The following TTC27 variants were observed in gnomAD, a reference collection of about 807,000 sequenced individuals.
The protein encoded by TTC27 is tetratricopeptide repeat protein 27.
Under a neutral mutation model 115.9 loss-of-function variants are expected in TTC27, and 79 were observed. That is an observed-to-expected ratio of 0.68 (90% CI 0.57 to 0.82). TTC27 has a LOEUF of 0.82. Ranked by LOEUF, TTC27 falls within the 40% of genes least tolerant of loss-of-function variation. TTC27 has a pLI of 0.00. For missense variants in TTC27, 1,054 were observed against 993.1 expected, an observed-to-expected ratio of 1.06 and a Z score of -0.82; for synonymous variants, 401 against 356.0, an observed-to-expected ratio of 1.13 and a Z score of -1.42.
intron 3 of TTC27, among the ~76,000 whole-genome samples, chr2:32,634,518 G>A (rs1400928911): frequency 4.0e-5 from 6 of 151,144 alleles, no homozygotes; most frequent in Non-Finnish European, 5.9e-5. Flanking sequence ...GAAACTCCTG[G>A]GCTCAAGTGG....
intron 10 of TTC27, among the ~76,000 whole-genome samples, chr2:32,730,211 C>G (rs1668246773): frequency 6.6e-6 from 1 of 152,188 alleles, no homozygotes; most frequent in Non-Finnish European, 1.5e-5. Flanking sequence ...AATTAATCAA[C>G]AAACCTTCTG....
At chr2:32,711,350 G>A (rs1193405306) in intron 10 of TTC27, among the ~76,000 whole-genome samples, 6 of 152,230 alleles carry the variant, frequency 3.9e-5, no homozygotes, top group Admixed American at 6.5e-5. Context: ...CTTCCCCAAC[G>A]CAGAAATCTT....
chr2:32,753,236 G>C (rs1432298520), intron 12 of TTC27, among the ~76,000 whole-genome samples: 1 of 152,040 alleles, frequency 6.6e-6, no homozygotes, highest in Non-Finnish European at 1.5e-5. Context: ...TCCAAGCGAG[G>C]ATTGCAAGAG....
chr2:32,646,407 G>T (rs769118829), intron 4 of TTC27, among the ~76,000 whole-genome samples: 1 of 151,998 alleles, frequency 6.6e-6, no homozygotes, highest in African/African-American at 2.4e-5. Context: ...GGCTTCAAGT[G>T]ATCTTCCTAC....
At chr2:32,762,269 A>G (rs1193240477) in intron 13 of TTC27, among the ~76,000 whole-genome samples, 5 of 149,166 alleles carry the variant, frequency 3.4e-5, no homozygotes, top group African/African-American at 1.2e-4. Context: ...CTAGAAACAC[A>G]GAGAGAAGTG....
intron 16 of TTC27, among the ~76,000 whole-genome samples, chr2:32,795,815 G>T (rs1262546163): frequency 3.3e-5 from 5 of 151,106 alleles, no homozygotes; most frequent in African/African-American, 4.9e-5. Flanking sequence ...CTGACCTTAG[G>T]TGATCCACCC....
At chr2:32,666,585 C>A (rs529656577) in intron 6 of TTC27, 50 bp from the exon 7 acceptor site, 11 of 1,592,820 alleles carry the variant, frequency 6.9e-6, no homozygotes, top group Non-Finnish European at 9.4e-6. Context: ...CATGACTGTA[C>A]AGTAGATCTC....
chr2:32,733,703 C>A, intron 10 of TTC27, 125 bp from the exon 11 acceptor site: 1 of 518,480 alleles, frequency 1.9e-6, no homozygotes, highest in Non-Finnish European at 3.2e-6. Flanking sequence ...CACATCCTAT[C>A]ACCTTATCAA....
chr2:32,808,465 C>T (rs2148044118), intron 16 of TTC27, among the ~76,000 whole-genome samples: 1 of 152,198 alleles, frequency 6.6e-6, no homozygotes, highest in East Asian at 1.9e-4. Context: ...CCTCTCTCTT[C>T]TGGTGGTATC....
At chr2:32,763,786 T>C (rs1396078505) in intron 13 of TTC27, among the ~76,000 whole-genome samples, 1 of 152,250 alleles carries the variant, frequency 6.6e-6, no homozygotes, top group Non-Finnish European at 1.5e-5. Context: ...TGTTCACTTA[T>C]ACCCACTTGT....
chr2:32,649,615 G>A (rs1665008017), intron 4 of TTC27, among the ~76,000 whole-genome samples: 1 of 151,594 alleles, frequency 6.6e-6, no homozygotes, highest in Non-Finnish European at 1.5e-5. Flanking sequence ...TGCATCCTCG[G>A]CTCACTGCAA....
At chr2:32,750,976 T>C (rs1362605783) in intron 12 of TTC27, among the ~76,000 whole-genome samples, 3 of 152,158 alleles carry the variant, frequency 2.0e-5, no homozygotes, top group African/African-American at 7.2e-5. Flanking sequence ...CAGATTAAAT[T>C]ATATCATAAA....
chr2:32,700,159 C>T (rs1667135126), intron 9 of TTC27, among the ~76,000 whole-genome samples: 1 of 152,140 alleles, frequency 6.6e-6, no homozygotes, highest in South Asian at 2.1e-4. Context: ...CTGGAGGGGC[C>T]AGATGTGCTT....
intron 9 of TTC27, among the ~76,000 whole-genome samples, chr2:32,691,806 TG>T (rs770870335): frequency 2.0e-5 from 3 of 151,954 alleles, no homozygotes; most frequent in Non-Finnish European, 2.9e-5. Context: ...AAAAGTTTAC[TG>T]GCTCAATGAG....
intron 12 of TTC27, among the ~76,000 whole-genome samples, chr2:32,742,902 A>T (rs999899132): frequency 5.3e-5 from 8 of 152,088 alleles, no homozygotes; most frequent in East Asian, 1.9e-4. Flanking sequence ...CACACTTTTT[A>T]AAAATTTTTT....
At chr2:32,729,281 C>G (rs1668213127) in intron 10 of TTC27, among the ~76,000 whole-genome samples, 1 of 152,100 alleles carries the variant, frequency 6.6e-6, no homozygotes, top group Non-Finnish European at 1.5e-5. Flanking sequence ...CAGAATTGTC[C>G]TTTTTTACTA....
rs1430565976 is a variant in TTC27 at position 32,628,136 on chromosome 2, A to G, written c.-157A>G. 1 of 667,200 alleles carries G rather than the reference A, an allele frequency of 1.5e-6. No homozygotes were observed. Among genetic ancestry groups the G allele is most frequent in the Non-Finnish European group, 2.6e-6 (1 of 387,026 alleles). 41.3% of individuals were successfully genotyped at this position (667,200 alleles called of 1,614,324 possible). A position where few individuals can be genotyped will look rare whatever the true frequency, so the allele number is the denominator to read the frequency against. On this transcript the variant is annotated 5_prime_UTR_variant, in exon 1 of 20. It removes the in-frame stop codon of an upstream open reading frame in the 5' UTR. Coordinates refer to ENST00000317907, the MANE Select transcript of TTC27 (RefSeq NM_017735.5). ...GCTGTTATGGCCGCCTCCTTGAGGT[A>G]GTATCCGCACATGGAATTCTAGGGC... is the stretch of plus-strand genomic sequence containing the variant.
At chr2:32,673,521 C>A (rs1666088747) in intron 8 of TTC27, among the ~76,000 whole-genome samples, 1 of 152,128 alleles carries the variant, frequency 6.6e-6, no homozygotes, top group Admixed American at 6.6e-5. Context: ...GCCACCACAC[C>A]CGGCCACCTT....
intron 9 of TTC27, among the ~76,000 whole-genome samples, chr2:32,683,937 C>G: frequency 6.6e-6 from 1 of 152,026 alleles, no homozygotes; most frequent in South Asian, 2.1e-4. Context: ...GGGCAGATCA[C>G]AAGGTCAGTA....
Sources: allele counts gnomAD v4.1 joint callset (sites outside exome capture counted in the v4.1 genomes callset), GRCh38; gene constraint gnomAD v4.1.1; transcripts MANE v1.5; gene names NCBI Gene and HGNC (gene_info 2026-07-23, HGNC 2026-07-21).